PPIL1: variants seen among roughly 807,000 people sequenced by gnomAD.
PPIL1 encodes peptidyl-prolyl cis-trans isomerase-like 1.
In PPIL1, 14 loss-of-function variants were observed where a neutral mutation model predicts 19.4. That is an observed-to-expected ratio of 0.72 (90% CI 0.48 to 1.13). PPIL1 has a LOEUF of 1.13. Ranked by LOEUF, PPIL1 falls within the 50% of genes most tolerant of loss-of-function variation. The probability of loss-of-function intolerance (pLI) is 0.00; values close to 1 mark genes in which losing one functional copy is unlikely to be tolerated. For missense variants in PPIL1, 192 were observed against 218.0 expected, an observed-to-expected ratio of 0.88 and a Z score of 0.75; for synonymous variants, 72 against 73.6, an observed-to-expected ratio of 0.98 and a Z score of 0.11.
chr6:36,869,685 CA>C (rs1561848871), intron 2 of PPIL1, among the ~76,000 whole-genome samples: 1 of 152,154 alleles, frequency 6.6e-6, no homozygotes, highest in Non-Finnish European at 1.5e-5. Context: ...GTAGGACCCA[CA>C]CTGTAGCTGA....
chr6:36,865,409 T>C (rs945115185), intron 2 of PPIL1, among the ~76,000 whole-genome samples: 2 of 152,206 alleles, frequency 1.3e-5, no homozygotes, highest in African/African-American at 2.4e-5. Context: ...CTGTAAATTT[T>C]ACAGGGGCCT....
In PPIL1 at chr6:36,855,719, C is replaced by A; in HGVS notation, c.*94G>T. The stretch of plus-strand genomic sequence containing the variant: ...CTCCTAAGCTTCATGACTTGCAAAG[C>A]CAAAATGAATTTAGCATTACATGTC... On this transcript the variant is annotated 3_prime_UTR_variant, in exon 4 of 4. Coordinates refer to ENST00000373699, the MANE Select transcript of PPIL1 (RefSeq NM_016059.5). 7.4e-7 allele frequency: 1 copy of A among 1,351,582 alleles called. No individual in the cohort carries two copies. The highest frequency in any genetic ancestry group is 1.0e-6 in the Non-Finnish European group (1 of 964,218). The allele number at this position is 1,351,582 out of a possible 1,614,324, so 83.7% of individuals were successfully genotyped here.
intron 2 of PPIL1, among the ~76,000 whole-genome samples, chr6:36,865,480 A>G (rs899045401): frequency 2.0e-5 from 3 of 152,160 alleles, no homozygotes; most frequent in African/African-American, 7.2e-5. Context: ...ATGTCACAAG[A>G]GCCAGTCTAG....
chr6:36,862,829 T>G (rs1398169719), intron 2 of PPIL1, among the ~76,000 whole-genome samples: 1 of 152,240 alleles, frequency 6.6e-6, no homozygotes, highest in East Asian at 1.9e-4. Flanking sequence ...ACAAACACTT[T>G]GTTAATATAC....
At chr6:36,872,838 G>C (rs568806835) in intron 1 of PPIL1, among the ~76,000 whole-genome samples, 1 of 152,124 alleles carries the variant, frequency 6.6e-6, no homozygotes, top group Non-Finnish European at 1.5e-5. Flanking sequence ...TTGAACTCCT[G>C]GGCTCAAGCA....
At chr6:36,863,718 C>A (rs929714663) in intron 2 of PPIL1, among the ~76,000 whole-genome samples, 3 of 152,080 alleles carry the variant, frequency 2.0e-5, no homozygotes, top group Non-Finnish European at 4.4e-5. Context: ...TCGCCCCTCA[C>A]CGCTCCGCTG....
At chr6:36,869,553 A>G (rs1482736005) in intron 2 of PPIL1, among the ~76,000 whole-genome samples, 1 of 152,224 alleles carries the variant, frequency 6.6e-6, no homozygotes, top group Non-Finnish European at 1.5e-5. Flanking sequence ...ACCACTGGAC[A>G]ATTGTGATTC....
At chr6:36,860,661 A>T (rs1004075012) in intron 2 of PPIL1, among the ~76,000 whole-genome samples, 2 of 151,948 alleles carry the variant, frequency 1.3e-5, no homozygotes, top group African/African-American at 2.4e-5. Flanking sequence ...GAGAGCTAAC[A>T]GCTGATTCAA....
intron 2 of PPIL1, among the ~76,000 whole-genome samples, chr6:36,857,194 C>T (rs528376463): frequency 6.6e-6 from 1 of 152,202 alleles, no homozygotes; most frequent in Non-Finnish European, 1.5e-5. Flanking sequence ...AGTAATAGCC[C>T]CAGAGTTGAA....
chr6:36,871,274 A>C (rs139840392), intron 2 of PPIL1, among the ~76,000 whole-genome samples: 1 of 152,182 alleles, frequency 6.6e-6, no homozygotes, highest in Non-Finnish European at 1.5e-5. Context: ...GTTTATAGGT[A>C]TCTCCCTAGA....
chr6:36,864,252 A>G (rs4348312), intron 2 of PPIL1, among the ~76,000 whole-genome samples: 14,620 of 151,874 alleles, frequency 0.096, 799 homozygotes, highest in South Asian at 0.12. Flanking sequence ...GAAACCCTCC[A>G]TCAACACTGT....
chr6:36,867,228 A>G (rs899941000), intron 2 of PPIL1, among the ~76,000 whole-genome samples: 3 of 152,188 alleles, frequency 2.0e-5, no homozygotes, highest in African/African-American at 7.2e-5. Context: ...CGTCTGCCAT[A>G]CAGGGTCATT....
chr6:36,871,977 G>C, intron 1 of PPIL1, 105 bp from the exon 2 acceptor site: 1 of 1,080,112 alleles, frequency 9.3e-7, no homozygotes, highest in Non-Finnish European at 1.2e-6. Flanking sequence ...TGTAAGTCAT[G>C]AAATTGTGAT....
At chr6:36,866,549 T>A (rs1257659576) in intron 2 of PPIL1, among the ~76,000 whole-genome samples, 9 of 152,106 alleles carry the variant, frequency 5.9e-5, no homozygotes, top group African/African-American at 9.7e-5. Flanking sequence ...TATTTGAAGA[T>A]CTTTTGAGTG....
intron 2 of PPIL1, among the ~76,000 whole-genome samples, chr6:36,858,231 C>CAAAAAAAAAAA (rs55719434): frequency 1.5e-5 from 1 of 68,188 alleles, no homozygotes; most frequent in Non-Finnish European, 2.7e-5. Context: ...AAGACTGTCT[C>CAAAAAAAAAAA]AAAAAAAAAA....
chr6:36,867,605 G>A (rs1004455829), intron 2 of PPIL1, among the ~76,000 whole-genome samples: 5 of 152,208 alleles, frequency 3.3e-5, no homozygotes, highest in African/African-American at 7.2e-5. Flanking sequence ...GGGCAGGCAC[G>A]CAGGGCTGGC....
chr6:36,872,575 C>T (rs886303876), intron 1 of PPIL1, among the ~76,000 whole-genome samples: 2 of 151,956 alleles, frequency 1.3e-5, no homozygotes, highest in Non-Finnish European at 2.9e-5. Flanking sequence ...CCCTCTACTC[C>T]AGCACATACC....
chr6:36,874,640 C>T, intron 1 of PPIL1, 77 bp downstream of exon 1: 1 of 1,565,638 alleles, frequency 6.4e-7, no homozygotes, highest in Non-Finnish European at 8.8e-7. Context: ...CGGAGGAACG[C>T]GCCAGGAACG....
chr6:36,861,684 T>TG (rs1261744632), intron 2 of PPIL1, among the ~76,000 whole-genome samples: 1 of 151,492 alleles, frequency 6.6e-6, no homozygotes, highest in Non-Finnish European at 1.5e-5. Context: ...ATCTGTGTTT[T>TG]TTTTTTTTTT....
Sources: gnomAD v4.1 joint callset for allele counts (sites outside exome capture counted in the v4.1 genomes callset) on GRCh38, gnomAD v4.1.1 for gene constraint, MANE v1.5 for transcripts, NCBI Gene and HGNC (gene_info 2026-07-23, HGNC 2026-07-21) for gene names.